Variants in NALF1 observed in about 807,000 individuals in gnomAD.
NALF1 encodes family with sequence similarity 155 member A.
In NALF1, 3 loss-of-function variants were observed where a neutral mutation model predicts 48.4. That is an observed-to-expected ratio of 0.06 (90% CI 0.03 to 0.16). NALF1 has a LOEUF of 0.16. Ranked by LOEUF, NALF1 falls within the 10% of genes least tolerant of loss-of-function variation. The pLI is 1.00. For missense variants in NALF1, 526 were observed against 571.5 expected (o/e 0.92, Z 0.81); for synonymous variants, 262 against 245.7 (o/e 1.07, Z -0.62).
At chr13:107,416,582 T>C (rs1566333559) in intron 1 of NALF1, among the ~76,000 whole-genome samples, 1 of 152,198 alleles carries the variant, frequency 6.6e-6, no homozygotes, top group Non-Finnish European at 1.5e-5. Flanking sequence ...GCTTAACTTG[T>C]TGCAAGATAC....
At chr13:107,493,819 G>A (rs1163397456) in intron 1 of NALF1, among the ~76,000 whole-genome samples, 2 of 152,130 alleles carry the variant, frequency 1.3e-5, no homozygotes, top group East Asian at 1.9e-4. Context: ...AGCCCCAAGT[G>A]TTCGAGGCTG....
intron 1 of NALF1, among the ~76,000 whole-genome samples, chr13:107,380,139 G>C (rs996105560): frequency 6.6e-6 from 1 of 151,996 alleles, no homozygotes; most frequent in African/African-American, 2.4e-5. Flanking sequence ...ACTAGCATTA[G>C]TACTAATTTG....
intron 1 of NALF1, among the ~76,000 whole-genome samples, chr13:107,386,735 CTTAAG>C (rs976117592): frequency 2.0e-5 from 3 of 152,156 alleles, no homozygotes; most frequent in East Asian, 1.9e-4. Flanking sequence ...TGGCCATTTC[CTTAAG>C]TTATCTGAGC....
At chr13:107,502,696 G>C (rs1875561385) in intron 1 of NALF1, among the ~76,000 whole-genome samples, 1 of 152,148 alleles carries the variant, frequency 6.6e-6, no homozygotes, top group Non-Finnish European at 1.5e-5. Context: ...CAGACCATGA[G>C]AGAAAAGTGA....
intron 1 of NALF1, among the ~76,000 whole-genome samples, chr13:107,262,181 G>A (rs1181124042): frequency 6.6e-6 from 1 of 152,130 alleles, no homozygotes; most frequent in Non-Finnish European, 1.5e-5. Context: ...TTGGGACATC[G>A]AGGTGGGTGG....
intron 2 of NALF1, among the ~76,000 whole-genome samples, chr13:107,177,941 G>T (rs1028379624): frequency 6.6e-6 from 1 of 152,130 alleles, no homozygotes; most frequent in Non-Finnish European, 1.5e-5. Flanking sequence ...CCAGCTATGG[G>T]GAGCCTGAGG....
At chr13:107,244,652 A>G (rs1233629287) in intron 1 of NALF1, among the ~76,000 whole-genome samples, 1 of 152,134 alleles carries the variant, frequency 6.6e-6, no homozygotes, top group Non-Finnish European at 1.5e-5. Flanking sequence ...TTTGTAGCTG[A>G]TGCAAACAAA....
intron 2 of NALF1, among the ~76,000 whole-genome samples, chr13:107,190,573 G>C (rs1027998983): frequency 1.1e-4 from 16 of 152,116 alleles, no homozygotes; most frequent in African/African-American, 3.9e-4. Context: ...CAAAACAAAT[G>C]CTAAAACTTA....
intron 1 of NALF1, among the ~76,000 whole-genome samples, chr13:107,510,200 T>C (rs1687821369): frequency 6.6e-6 from 1 of 152,222 alleles, no homozygotes; most frequent in African/African-American, 2.4e-5. Context: ...ATCATATTGC[T>C]ATTTGAGTGA....
Position 107,210,573 on chromosome 13 carries a change from C to T in NALF1, c.1087+11G>A, listed in dbSNP as rs201366688. On this transcript the variant is annotated intron_variant, in intron 2 of 2. Coordinates refer to ENST00000375915, the MANE Select transcript of NALF1 (RefSeq NM_001080396.3). ...GGAGACTGGTGTACAGACTCCCACC[C>T]GGCACTGTACCTGTACAGATGAAAC... The T allele has an allele frequency of 1.9e-6, 3 of 1,598,754 alleles. No homozygotes were observed. The highest frequency in any genetic ancestry group is 2.6e-6 in the Non-Finnish European group (3 of 1,166,684).
chr13:107,551,478 T>C (rs1877291729), intron 1 of NALF1, among the ~76,000 whole-genome samples: 1 of 152,168 alleles, frequency 6.6e-6, no homozygotes, highest in African/African-American at 2.4e-5. Flanking sequence ...ATACAATATC[T>C]GCAATTCATA....
chr13:107,476,991 G>T (rs1175136548), intron 1 of NALF1, among the ~76,000 whole-genome samples: 4 of 152,086 alleles, frequency 2.6e-5, no homozygotes, highest in Non-Finnish European at 4.4e-5. Flanking sequence ...TTTATGCAAT[G>T]CTTGAAACTC....
intron 1 of NALF1, among the ~76,000 whole-genome samples, chr13:107,499,402 T>C (rs1427686307): frequency 7.2e-5 from 11 of 152,258 alleles, no homozygotes; most frequent in African/African-American, 2.4e-4. Context: ...TGGAGTGCCA[T>C]TGCACAATCA....
chr13:107,318,522 G>T (rs552859452), intron 1 of NALF1, among the ~76,000 whole-genome samples: 1 of 152,188 alleles, frequency 6.6e-6, no homozygotes, highest in Admixed American at 6.6e-5. Flanking sequence ...TGGGAATTTA[G>T]ATTTCTACAC....
chr13:107,441,163 C>T (rs180967327), intron 1 of NALF1, among the ~76,000 whole-genome samples: 15 of 152,308 alleles, frequency 9.8e-5, no homozygotes, highest in Admixed American at 6.5e-4. Flanking sequence ...GCCCCCAACA[C>T]CATCTCTGTC....
chr13:107,706,916 TTC>T lies in NALF1; in HGVS notation c.915+158764_915+158765del. ...TCCGCCAGTTTTTAAATCAAGGGCATTCTTTTTTTTTTTTTTTTTTTTTTGAG... is the reference window on the plus strand; with the variant it reads ...TCCGCCAGTTTTTAAATCAAGGGCATTTTTTTTTTTTTTTTTTTTTTTGAG... On this transcript the variant is annotated intron_variant, in intron 1 of 2. Transcript: ENST00000375915. Among the ~76,000 whole-genome samples the T allele has an allele frequency of 2.0e-4, 20 of 100,524 alleles. No homozygotes were observed. In the Admixed American group the frequency reaches 2.5e-3, roughly 12 times the overall value. 65.9% of individuals were successfully genotyped at this position (100,524 alleles called of 152,430 possible). A position where few individuals can be genotyped will look rare whatever the true frequency, so the allele number is the denominator to read the frequency against.
At chr13:107,557,155 A>C (rs1009080467) in intron 1 of NALF1, among the ~76,000 whole-genome samples, 7 of 152,288 alleles carry the variant, frequency 4.6e-5, no homozygotes, top group Admixed American at 4.6e-4. Flanking sequence ...TTGAAAAAAA[A>C]ATGTTTTGTT....
chr13:107,819,353 A>T (rs1879285878), intron 1 of NALF1, among the ~76,000 whole-genome samples: 1 of 152,216 alleles, frequency 6.6e-6, no homozygotes, highest in Non-Finnish European at 1.5e-5. Flanking sequence ...TAATGATTAC[A>T]TGACTAGTTC....
chr13:107,281,223 T>C (rs145820205), intron 1 of NALF1, among the ~76,000 whole-genome samples: 1 of 152,318 alleles, frequency 6.6e-6, no homozygotes, highest in African/African-American at 2.4e-5. Flanking sequence ...TATTAGGGAA[T>C]GTAAGAAATA....
Sources: allele counts gnomAD v4.1 joint callset (sites outside exome capture counted in the v4.1 genomes callset), GRCh38; gene constraint gnomAD v4.1.1; transcripts MANE v1.5; gene names NCBI Gene and HGNC (gene_info 2026-07-23, HGNC 2026-07-21).